TCF12: variants seen among roughly 807,000 people sequenced by gnomAD.
TCF12 encodes transcription factor 12, also known as DNA-binding protein HTF4.
Under a neutral mutation model 86.0 loss-of-function variants are expected in TCF12, and 45 were observed. The observed-to-expected ratio is 0.52, with a 90% CI of 0.41 to 0.67. The LOEUF (loss-of-function observed/expected upper bound fraction) is 0.67. Ranked by LOEUF, TCF12 falls within the 30% of genes least tolerant of loss-of-function variation. TCF12 has a pLI of 0.00. For synonymous variants in TCF12, 330 were observed against 299.6 expected (o/e 1.10, Z -1.05); for missense variants, 881 against 859.9 (o/e 1.02, Z -0.31).
In TCF12 at chr15:57,219,670, C is replaced by A; in HGVS notation, c.580-11482C>A. The A allele has an allele frequency of 1.6e-6, 2 of 1,285,658 alleles. No homozygotes were observed. Among genetic ancestry groups the A allele is most frequent in the Non-Finnish European group, 2.2e-6 (2 of 913,974 alleles). 79.6% of individuals were successfully genotyped at this position (1,285,658 alleles called of 1,614,324 possible). ...TACATTACTCGCTTTTTACTAAAATCTGTGAGGTTTTGTTTTATCCTTTTA... is the reference window on the plus strand; with the variant it reads ...TACATTACTCGCTTTTTACTAAAATATGTGAGGTTTTGTTTTATCCTTTTA... On this transcript the variant is annotated intron_variant, in intron 8 of 20. Transcript: ENST00000333725.
chr15:56,960,250 C>T (rs1028058370), intron 3 of TCF12, among the ~76,000 whole-genome samples: 1 of 151,886 alleles, frequency 6.6e-6, no homozygotes, highest in Non-Finnish European at 1.5e-5. Flanking sequence ...TCATTAATAC[C>T]TTATGGAATT....
chr15:57,251,823 G>A (rs1380309548), intron 14 of TCF12, among the ~76,000 whole-genome samples: 3 of 151,954 alleles, frequency 2.0e-5, no homozygotes, highest in Non-Finnish European at 2.9e-5. Context: ...TACTGTGTGT[G>A]GTTTATTACA....
chr15:57,009,868 C>G (rs1300964212), intron 3 of TCF12, among the ~76,000 whole-genome samples: 1 of 152,084 alleles, frequency 6.6e-6, no homozygotes, highest in Admixed American at 6.5e-5. Context: ...TTGAAAATAA[C>G]ATAAAGCTCT....
At chr15:56,973,382 C>G (rs1438541478) in intron 3 of TCF12, among the ~76,000 whole-genome samples, 1 of 151,976 alleles carries the variant, frequency 6.6e-6, no homozygotes, top group African/African-American at 2.4e-5. Context: ...CAAAAGGGCA[C>G]AGGATATTTG....
intron 13 of TCF12, among the ~76,000 whole-genome samples, chr15:57,249,845 T>C (rs1238233226): frequency 6.6e-6 from 1 of 152,204 alleles, no homozygotes; most frequent in Non-Finnish European, 1.5e-5. Context: ...TATTATTTTC[T>C]GTAAATGACT....
At chr15:56,954,041 G>A (rs2061397546) in intron 3 of TCF12, among the ~76,000 whole-genome samples, 1 of 151,466 alleles carries the variant, frequency 6.6e-6, no homozygotes, top group African/African-American at 2.4e-5. Context: ...TCTAATATAG[G>A]CCTTTAGTGC....
At chr15:57,038,710 C>G (rs1253078694) in intron 3 of TCF12, among the ~76,000 whole-genome samples, 1 of 151,892 alleles carries the variant, frequency 6.6e-6, no homozygotes, top group Non-Finnish European at 1.5e-5. Flanking sequence ...ATTTTTTGTC[C>G]TAAGCATTTT....
Position 57,231,158 on chromosome 15 carries a change from G to A in TCF12, c.586G>A (p.Ala196Thr), listed in dbSNP as rs765672038. Residue 196 changes from alanine to threonine, a missense_variant, in exon 9 of 21, where the codon GCA (alanine) becomes ACA (threonine). By Grantham distance (58) the Ala-to-Thr change is moderately conservative. Around this residue, in one of 3 missense-constraint regions of TCF12, gnomAD observed 766 missense variants for 718.9 expected, o/e 1.07. Coordinates refer to ENST00000333725, the MANE Select transcript of TCF12 (RefSeq NM_207037.2). ...TGTGCTGTTTAATTTTAAGGTATATGCACCATCCCCAAATTCAGATGATTT... is the reference window on the plus strand; with the variant it reads ...TGTGCTGTTTAATTTTAAGGTATATACACCATCCCCAAATTCAGATGATTT... Reference protein sequence around the residue: ...VPPGLPSSVYAPSPNSDDFNR... With the variant: ...VPPGLPSSVYTPSPNSDDFNR... The A allele has an allele frequency of 3.7e-6, 6 of 1,610,728 alleles. No individual in the cohort carries two copies.
At chr15:57,205,455 A>C (rs1041847318) in intron 8 of TCF12, among the ~76,000 whole-genome samples, 1 of 152,240 alleles carries the variant, frequency 6.6e-6, no homozygotes, top group African/African-American at 2.4e-5. Flanking sequence ...GAGTTAGAAT[A>C]GGTATTTGCT....
At chr15:57,155,969 A>G (rs1264258711) in intron 5 of TCF12, among the ~76,000 whole-genome samples, 1 of 152,214 alleles carries the variant, frequency 6.6e-6, no homozygotes, top group Non-Finnish European at 1.5e-5. Context: ...TTACATAGGT[A>G]GAGGCTGTTG....
chr15:56,938,437 G>A (rs1237131645), intron 3 of TCF12, among the ~76,000 whole-genome samples: 4 of 152,074 alleles, frequency 2.6e-5, no homozygotes, highest in African/African-American at 9.7e-5. Flanking sequence ...GGGATTACAG[G>A]CGTGAGCCAC....
chr15:56,958,676 AGAGTGTGTGTGT>A (rs1287427583), intron 3 of TCF12, among the ~76,000 whole-genome samples: 9 of 92,478 alleles, frequency 9.7e-5, no homozygotes, highest in Non-Finnish European at 1.8e-4. Flanking sequence ...AGAGAGAGAG[AGAGTGTGTGTGT>A]GTGTGTGTGT....
intron 3 of TCF12, among the ~76,000 whole-genome samples, chr15:57,026,017 C>T (rs2065805181): frequency 6.6e-6 from 1 of 152,206 alleles, no homozygotes; most frequent in Admixed American, 6.5e-5. Context: ...AGGAATAATA[C>T]TCTCCAGAGT....
chr15:57,128,816 C>G (rs1447796736), intron 5 of TCF12, among the ~76,000 whole-genome samples: 2 of 152,192 alleles, frequency 1.3e-5, no homozygotes, highest in African/African-American at 4.8e-5. Context: ...ACTCTTTTTA[C>G]TTAGCGTATT....
intron 3 of TCF12, among the ~76,000 whole-genome samples, chr15:57,050,793 T>C (rs1229590957): frequency 6.6e-6 from 1 of 152,222 alleles, no homozygotes; most frequent in African/African-American, 2.4e-5. Flanking sequence ...CTCCAGTCCA[T>C]TGTTAAGCTT....
intron 8 of TCF12, among the ~76,000 whole-genome samples, chr15:57,213,425 G>A (rs2058198250): frequency 1.3e-5 from 2 of 152,014 alleles, no homozygotes; most frequent in South Asian, 2.1e-4. Flanking sequence ...TTATTTAGAG[G>A]CAAGAAGTAT....
chr15:57,223,660 T>G (rs1485106504), intron 8 of TCF12, among the ~76,000 whole-genome samples: 1 of 145,394 alleles, frequency 6.9e-6, no homozygotes, highest in African/African-American at 2.5e-5. Context: ...TTTTTTTTTT[T>G]TTTTTTTTTT....
chr15:57,241,357 G>T (rs879553434), intron 12 of TCF12, among the ~76,000 whole-genome samples: 39 of 152,076 alleles, frequency 2.6e-4, no homozygotes, highest in Non-Finnish European at 5.1e-4. Flanking sequence ...CTCCCAAAGT[G>T]CTGGGATTAT....
chr15:57,038,165 C>T (rs1235999161), intron 3 of TCF12, among the ~76,000 whole-genome samples: 7 of 152,148 alleles, frequency 4.6e-5, no homozygotes, highest in East Asian at 1.9e-4. Flanking sequence ...GTGGGGCAGG[C>T]GTGGCGGCTC....
Sources: allele counts gnomAD v4.1 joint callset (sites outside exome capture counted in the v4.1 genomes callset), GRCh38; gene constraint gnomAD v4.1.1; regional missense constraint gnomAD v4.1.1; transcripts MANE v1.5; gene names NCBI Gene and HGNC (gene_info 2026-07-23, HGNC 2026-07-21).